Variants in EGFR observed in about 807,000 individuals in gnomAD.
EGFR encodes epidermal growth factor receptor, also known as avian erythroblastic leukemia viral (v-erb-b) oncogene homolog.
EGFR carries 58 observed loss-of-function variants against 143.0 expected under a neutral mutation model. That is an observed-to-expected ratio of 0.41 (90% CI 0.33 to 0.50). The LOEUF is 0.50. Ranked by LOEUF, EGFR falls within the 20% of genes least tolerant of loss-of-function variation. The pLI, the probability that EGFR is intolerant of heterozygous loss-of-function variation, is 0.39. For missense variants in EGFR, 1,307 were observed against 1,579.0 expected (o/e 0.83, Z 2.92); for synonymous variants, 613 against 594.4 (o/e 1.03, Z -0.45).
intron 6 of EGFR, among the ~76,000 whole-genome samples, chr7:55,153,760 T>C (rs1785269743): frequency 6.6e-6 from 1 of 152,200 alleles, no homozygotes; most frequent in Non-Finnish European, 1.5e-5. Context: ...TAAACAGACG[T>C]ATTTTTATCA....
intron 17 of EGFR, 71 bp from the exon 18 acceptor site, chr7:55,173,850 A>C: frequency 6.2e-7 from 1 of 1,613,364 alleles, no homozygotes; most frequent in Non-Finnish European, 8.5e-7. Flanking sequence ...CTGCTGGGCC[A>C]TGTCTGGCAC....
At position 55,197,950 on chromosome 7, in the gene EGFR, C is replaced by T. The variant is rs186720800; in HGVS notation, c.2702-767C>T. Among the ~76,000 whole-genome samples, 229 of 152,294 alleles carry T rather than the reference C, an allele frequency of 1.5e-3. 1 individual carries two copies. The highest frequency in any genetic ancestry group is 5.1e-3 in the African/African-American group (210 of 41,564). On this transcript the variant is annotated intron_variant, in intron 22 of 27. Transcript: ENST00000275493. ...GTCTATGTTCATCAGAGATATTGGC[C>T]TGAAGTTTTCTTTTTTTGTTGTATC...
intron 1 of EGFR, among the ~76,000 whole-genome samples, chr7:55,127,873 G>A (rs1000208834): frequency 6.6e-6 from 1 of 152,124 alleles, no homozygotes; most frequent in Non-Finnish European, 1.5e-5. Context: ...ATTTCACCAG[G>A]CCCCGCTCTC....
At chr7:55,162,703 G>T (rs773386355) in intron 13 of EGFR, among the ~76,000 whole-genome samples, 2 of 152,232 alleles carry the variant, frequency 1.3e-5, no homozygotes, top group Non-Finnish European at 2.9e-5. Flanking sequence ...CAAGGGCAGT[G>T]ACCCAGAGAA....
chr7:55,091,131 T>A (rs1369605072), intron 1 of EGFR, among the ~76,000 whole-genome samples: 1 of 152,220 alleles, frequency 6.6e-6, no homozygotes, highest in Non-Finnish European at 1.5e-5. Context: ...CAATTTCTAA[T>A]TTAAAGACCC....
chr7:55,176,886 T>C (rs1279400546), intron 19 of EGFR, among the ~76,000 whole-genome samples: 1 of 147,338 alleles, frequency 6.8e-6, no homozygotes, highest in African/African-American at 2.5e-5. Context: ...TTTATATATA[T>C]TTAGAGATAT....
At chr7:55,108,204 G>A (rs758402448) in intron 1 of EGFR, among the ~76,000 whole-genome samples, 2 of 152,318 alleles carry the variant, frequency 1.3e-5, no homozygotes, top group South Asian at 4.1e-4. Context: ...GATAAGAAAT[G>A]GCCATAGGCC....
At chr7:55,196,396 A>C (rs1787621209) in intron 22 of EGFR, among the ~76,000 whole-genome samples, 2 of 151,832 alleles carry the variant, frequency 1.3e-5, no homozygotes, top group Admixed American at 1.3e-4. Flanking sequence ...AATTTACTTA[A>C]GTTCCTTATA....
chr7:55,096,298 C>T (rs987797898), intron 1 of EGFR, among the ~76,000 whole-genome samples: 1 of 152,130 alleles, frequency 6.6e-6, no homozygotes, highest in Non-Finnish European at 1.5e-5. Context: ...TTTAATTCTC[C>T]GGTTGTGTTC....
intron 7 of EGFR, among the ~76,000 whole-genome samples, chr7:55,154,888 T>A (rs1280115748): frequency 6.6e-6 from 1 of 150,510 alleles, no homozygotes; most frequent in Non-Finnish European, 1.5e-5. Flanking sequence ...GCCAGATTTG[T>A]GTACATGAAA....
At chr7:55,146,312 A>G (rs1311358775) in intron 3 of EGFR, among the ~76,000 whole-genome samples, 1 of 152,038 alleles carries the variant, frequency 6.6e-6, no homozygotes, top group African/African-American at 2.4e-5. Context: ...TACCACATGC[A>G]TATCATTTAT....
intron 1 of EGFR, among the ~76,000 whole-genome samples, chr7:55,092,015 A>G (rs939273042): frequency 5.0e-5 from 2 of 39,986 alleles, no homozygotes; most frequent in Middle Eastern, 6.7e-3. Context: ...AGTCCACTCT[A>G]TCTCCTTAAA....
At position 55,157,041 on chromosome 7, in the gene EGFR, G is replaced by C. The variant is rs898531604; in HGVS notation, c.1207+209G>C. ...GTCCAGGCTTGGGTCATTCACTGCG[G>C]TGTAAACACGCTTTCTCCCTCCCGC... On this transcript the variant is annotated intron_variant, in intron 10 of 27. Transcript: ENST00000275493. 2.4e-5 allele frequency: 30 copies of C among 1,263,446 alleles called. No individual in the cohort carries two copies. In the Admixed American group the frequency reaches 7.5e-4, roughly 32 times the overall value. 78.3% of individuals were successfully genotyped at this position (1,263,446 alleles called of 1,614,324 possible).
At chr7:55,051,745 TG>T (rs1788502562) in intron 1 of EGFR, among the ~76,000 whole-genome samples, 1 of 152,226 alleles carries the variant, frequency 6.6e-6, no homozygotes, top group South Asian at 2.1e-4. Context: ...AAACATGATC[TG>T]GCCCTCAGCT....
chr7:55,138,219 C>T (rs966042662), intron 1 of EGFR, among the ~76,000 whole-genome samples: 2 of 152,004 alleles, frequency 1.3e-5, no homozygotes, highest in African/African-American at 4.8e-5. Context: ...AATTTTAGGA[C>T]AAAAAGTTAG....
At chr7:55,043,135 CG>C (rs1787997025) in intron 1 of EGFR, among the ~76,000 whole-genome samples, 1 of 151,968 alleles carries the variant, frequency 6.6e-6, no homozygotes, top group Admixed American at 6.6e-5. Flanking sequence ...GTGGCATGGC[CG>C]TAGACTCAAT....
intron 1 of EGFR, 139 bp from the exon 2 acceptor site, chr7:55,142,147 C>T (rs1794492624): frequency 1.0e-6 from 1 of 996,926 alleles, no homozygotes; most frequent in African/African-American, 1.6e-5. Flanking sequence ...CCCAGATGAC[C>T]TGGGCAGGAA....
chr7:55,191,513 A>T (rs1477249391), intron 20 of EGFR, among the ~76,000 whole-genome samples: 1 of 152,144 alleles, frequency 6.6e-6, no homozygotes. Flanking sequence ...GAGGAACTGG[A>T]TGGAGAAAAG....
At chr7:55,173,249 A>T (rs760568194) in intron 17 of EGFR, 125 bp downstream of exon 17, 58 of 1,388,364 alleles carry the variant, frequency 4.2e-5, no homozygotes, top group Non-Finnish European at 5.4e-5. Flanking sequence ...ATGCAGAAAG[A>T]ATCTCTGAAT....
Sources: allele counts gnomAD v4.1 joint callset (sites outside exome capture counted in the v4.1 genomes callset), GRCh38; gene constraint gnomAD v4.1.1; transcripts MANE v1.5; gene names NCBI Gene and HGNC (gene_info 2026-07-23, HGNC 2026-07-21).